Variants in WARS2 observed in about 807,000 individuals in gnomAD.
The protein encoded by WARS2 is tryptophanyl tRNA synthetase 2, mitochondrial, also known as tryptophan--tRNA ligase, mitochondrial.
Under a neutral mutation model 36.5 loss-of-function variants are expected in WARS2, and 28 were observed. That is an observed-to-expected ratio of 0.77 (90% CI 0.57 to 1.05). The LOEUF (loss-of-function observed/expected upper bound fraction) is 1.05, where lower values mean the gene tolerates loss of function less well. Among genes scored for constraint, WARS2 ranks in the 50% least tolerant of loss-of-function variants. The pLI is 0.00. For missense variants in WARS2, 435 were observed against 456.8 expected (o/e 0.95, Z 0.44); for synonymous variants, 174 against 178.4 (o/e 0.98, Z 0.20).
intron 1 of WARS2, among the ~76,000 whole-genome samples, chr1:119,128,950 T>C (rs587619410): frequency 6.6e-6 from 1 of 152,216 alleles, no homozygotes. Flanking sequence ...AAATATGGTC[T>C]GCTAAAGAAG....
At chr1:119,096,936 G>A (rs587673392) in intron 1 of WARS2, among the ~76,000 whole-genome samples, 4 of 152,150 alleles carry the variant, frequency 2.6e-5, no homozygotes, top group Admixed American at 6.5e-5. Flanking sequence ...GGTACCACAC[G>A]TGATACCATT....
chr1:119,102,544 G>A (rs181201833), intron 1 of WARS2, among the ~76,000 whole-genome samples: 3 of 152,244 alleles, frequency 2.0e-5, no homozygotes, highest in East Asian at 3.9e-4. Flanking sequence ...CAGGTTTTAT[G>A]TTTTTTCCAT....
At chr1:119,133,875 TCAA>T (rs1656275815) in intron 1 of WARS2, among the ~76,000 whole-genome samples, 1 of 152,126 alleles carries the variant, frequency 6.6e-6, no homozygotes, top group African/African-American at 2.4e-5. Flanking sequence ...AAAAGTTTAA[TCAA>T]CGAGTAAAAA....
chr1:119,058,624 C>A (rs1461783807), intron 2 of WARS2, among the ~76,000 whole-genome samples: 4 of 125,304 alleles, frequency 3.2e-5, no homozygotes, highest in Admixed American at 2.9e-4. Context: ...CATGTCCCTA[C>A]AAAGGACATG....
chr1:119,034,206 G>C lies in WARS2; in HGVS notation c.523C>G (p.His175Asp). ...AADILLYKST[H>D]VPVGEDQVQH... is the part of the protein sequence containing the mutation. ...ACTTGATCCTCCCCAACAGGAACGT[G>C]TGTGGACCTTTAATAAAAGACAGAC... The change falls in exon 5 of 6, where the codon CAC becomes GAC. Residue 175 changes from histidine (H) to aspartate (D), a missense_variant. His to Asp is a moderately conservative substitution (Grantham distance 81). Transcript: ENST00000235521. 6.2e-7 allele frequency: 1 copy of C among 1,613,368 alleles called. No individual in the cohort carries two copies. The highest frequency in any genetic ancestry group is 8.5e-7 in the Non-Finnish European group (1 of 1,179,498).
intron 1 of WARS2, among the ~76,000 whole-genome samples, chr1:119,080,631 T>C (rs947987457): frequency 2.6e-5 from 4 of 152,232 alleles, no homozygotes; most frequent in East Asian, 1.9e-4. Flanking sequence ...CCTGCTCTTC[T>C]GCAGTGAGTT....
intron 2 of WARS2, among the ~76,000 whole-genome samples, chr1:119,046,337 A>T: frequency 7.6e-6 from 1 of 130,762 alleles, no homozygotes; most frequent in African/African-American, 2.9e-5. Flanking sequence ...GCAAGAAAAT[A>T]TAAACTTTCC....
In WARS2 at chr1:119,110,476, T is replaced by A. The variant is rs1571372774; in HGVS notation, c.90+30079A>T. Among the ~76,000 whole-genome samples the A allele has an allele frequency of 3.3e-5, 5 of 152,238 alleles. 1 individual carries two copies. In the South Asian group the frequency reaches 1.0e-3, roughly 32 times the overall value. ...CCACTCTCTTTTTGCTTGCGTGGAT[T>A]CTGAAGAGAAGTCAATTGTAATTCT... On this transcript the variant is annotated intron_variant, in intron 1 of 5. Coordinates refer to ENST00000235521, the MANE Select transcript of WARS2 (RefSeq NM_015836.4).
At chr1:119,114,380 A>G (rs1378472459) in intron 1 of WARS2, among the ~76,000 whole-genome samples, 2 of 152,212 alleles carry the variant, frequency 1.3e-5, no homozygotes, top group African/African-American at 4.8e-5. Flanking sequence ...TGCTTGTTTT[A>G]TAGTTTGGAG....
chr1:119,045,737 ATTACC>A (rs1648745974), intron 2 of WARS2, 75 bp from the exon 3 acceptor site: 1 of 1,183,184 alleles, frequency 8.5e-7, no homozygotes, highest in African/African-American at 1.5e-5. Context: ...AGTAGTAAGT[ATTACC>A]CTAAATGTCT....
intron 1 of WARS2, among the ~76,000 whole-genome samples, chr1:119,110,793 T>C (rs757983496): frequency 2.0e-5 from 3 of 152,128 alleles, no homozygotes; most frequent in Non-Finnish European, 4.4e-5. Flanking sequence ...TTGTAACTTT[T>C]ATAGTTGTCC....
At chr1:119,138,421 A>G (rs587646684) in intron 1 of WARS2, among the ~76,000 whole-genome samples, 30 of 152,300 alleles carry the variant, frequency 2.0e-4, no homozygotes, top group Non-Finnish European at 4.0e-4. Flanking sequence ...CTGTATAAAG[A>G]TTTATGATTT....
At chr1:119,089,634 G>T (rs1571343181) in intron 1 of WARS2, among the ~76,000 whole-genome samples, 1 of 152,140 alleles carries the variant, frequency 6.6e-6, no homozygotes, top group African/African-American at 2.4e-5. Context: ...CATATCTGGA[G>T]ATCAAAATTT....
chr1:119,126,632 T>C (rs1419332735), intron 1 of WARS2: 4 of 700,518 alleles, frequency 5.7e-6, no homozygotes, highest in Non-Finnish European at 1.1e-5. Flanking sequence ...AACTATTACC[T>C]TCACCACGAA....
chr1:119,140,497 G>A (rs1234263537), intron 1 of WARS2, 58 bp downstream of exon 1: 1 of 1,509,618 alleles, frequency 6.6e-7, no homozygotes, highest in Non-Finnish European at 9.2e-7. Context: ...GAGGGCAGTG[G>A]GATGAGAAGA....
chr1:119,104,504 A>G (rs1654097276), intron 1 of WARS2, among the ~76,000 whole-genome samples: 1 of 151,780 alleles, frequency 6.6e-6, no homozygotes, highest in South Asian at 2.1e-4. Flanking sequence ...TCAACAAATT[A>G]TTTGTTCAGC....
intron 2 of WARS2, among the ~76,000 whole-genome samples, chr1:119,064,960 T>C (rs900762335): frequency 6.6e-6 from 1 of 152,170 alleles, no homozygotes; most frequent in Non-Finnish European, 1.5e-5. Flanking sequence ...AAATAGAACA[T>C]TTGTAAAAAT....
At chr1:119,127,251 T>C in intron 1 of WARS2, 1 of 769,610 alleles carries the variant, frequency 1.3e-6, no homozygotes, top group African/African-American at 1.7e-5. Context: ...GGCTCCCTTT[T>C]TGCCGCCTTT....
At chr1:119,079,827 T>C (rs587764015) in intron 1 of WARS2, among the ~76,000 whole-genome samples, 2 of 152,192 alleles carry the variant, frequency 1.3e-5, no homozygotes, top group African/African-American at 4.8e-5. Flanking sequence ...TCTGAGGATA[T>C]GAAAAATATC....
Sources: allele counts gnomAD v4.1 joint callset (sites outside exome capture counted in the v4.1 genomes callset), GRCh38; gene constraint gnomAD v4.1.1; transcripts MANE v1.5; gene names NCBI Gene and HGNC (gene_info 2026-07-23, HGNC 2026-07-21).